SHC3: variants seen among roughly 807,000 people sequenced by gnomAD.
The protein encoded by SHC3 is SHC-transforming protein 3.
SHC3 carries 15 observed loss-of-function variants against 60.4 expected under a neutral mutation model. The observed-to-expected ratio is 0.25, with a 90% CI of 0.17 to 0.38. SHC3 has a LOEUF of 0.38. Among genes scored for constraint, SHC3 ranks in the 10% least tolerant of loss-of-function variants. SHC3 has a pLI of 1.00. For synonymous variants in SHC3, 294 were observed against 325.9 expected (o/e 0.90, Z 1.05); for missense variants, 677 against 786.1 (o/e 0.86, Z 1.66).
rs546662701 is a variant in SHC3, at chr9:89,011,901, C to G, written c.*1546G>C. Reference sequence around the variant, plus strand: ...TAACCTGTCCTTCCATCTGGCCACACGCACACCCCAAGGCAGAAATGGGGC... The same window carrying G: ...TAACCTGTCCTTCCATCTGGCCACAGGCACACCCCAAGGCAGAAATGGGGC... On this transcript the variant is annotated 3_prime_UTR_variant, in exon 12 of 12. Coordinates refer to ENST00000375835, the MANE Select transcript of SHC3 (RefSeq NM_016848.6). The G allele has an allele frequency of 6.6e-6, 1 of 152,316 alleles. No homozygotes were observed. Among genetic ancestry groups the G allele is most frequent in the Admixed American group, 6.5e-5 (1 of 15,280 alleles). The allele number at this position is 152,316 out of a possible 1,614,324, so 9.4% of individuals were successfully genotyped here. A position where few individuals can be genotyped will look rare whatever the true frequency, so the allele number is the denominator to read the frequency against.
At chr9:89,158,209 A>G (rs1410255262) in intron 1 of SHC3, among the ~76,000 whole-genome samples, 1 of 151,580 alleles carries the variant, frequency 6.6e-6, no homozygotes, top group Admixed American at 6.6e-5. Context: ...CTTCATTTTC[A>G]TTCAATTCTA....
At position 89,007,997 on chromosome 9, in the gene SHC3, CAG is replaced by C. The variant is rs897268485; in HGVS notation, c.*5448_*5449del. 7 of 152,228 alleles carry C rather than the reference CAG, an allele frequency of 4.6e-5. No homozygotes were observed. The highest frequency in any genetic ancestry group is 1.7e-4 in the African/African-American group (7 of 41,456). 9.4% of individuals were successfully genotyped at this position (152,228 alleles called of 1,614,324 possible). On this transcript the variant is annotated 3_prime_UTR_variant, in exon 12 of 12. Coordinates refer to ENST00000375835, the MANE Select transcript of SHC3 (RefSeq NM_016848.6). The stretch of plus-strand genomic sequence containing the variant: ...GGGAGGAGTCCCAAGGTGCACAACA[CAG>C]AGCCAATCTGCGTGTGTACAGAGAT...
In SHC3 at chr9:89,046,946, T is replaced by G. The variant is rs769351820; in HGVS notation, c.1011A>C (p.Ser337=). 6.2e-7 allele frequency: 1 copy of G among 1,610,550 alleles called. No homozygotes were observed. Among genetic ancestry groups the G allele is most frequent in the South Asian group, 1.1e-5 (1 of 89,882 alleles). ...EPWTEEEGDG[S]DHPYYNSIPS... ...GGATGCTGTTGTAGTATGGGTGGTC[T>G]GAGCCATCTCCCTCCTCTTCCGTCC... Residue 337 remains serine, a synonymous_variant, in exon 8 of 12, where the codon TCA becomes TCC. Coordinates refer to ENST00000375835, the MANE Select transcript of SHC3 (RefSeq NM_016848.6).
At chr9:89,049,398 A>T (rs763981103) in intron 7 of SHC3, among the ~76,000 whole-genome samples, 8 of 152,224 alleles carry the variant, frequency 5.3e-5, no homozygotes, top group Non-Finnish European at 1.2e-4. Context: ...TTCAAACTTC[A>T]CTACATACAA....
chr9:89,022,411 G>C (rs145772950), intron 11 of SHC3, among the ~76,000 whole-genome samples: 1 of 152,270 alleles, frequency 6.6e-6, no homozygotes, highest in East Asian at 1.9e-4. Flanking sequence ...AGTCAAGGAA[G>C]TTTTTGGGAC....
chr9:89,077,139 T>C lies in SHC3; in HGVS notation c.609+701A>G, dbSNP rs112712542. 6.0e-3 allele frequency among the ~76,000 whole-genome samples: 897 copies of C among 150,576 alleles called. 3 individuals are homozygous for C. Among genetic ancestry groups the C allele is most frequent in the Middle Eastern group, 0.027 (8 of 294 alleles). On this transcript the variant is annotated intron_variant, in intron 3 of 11. Coordinates refer to ENST00000375835, the MANE Select transcript of SHC3 (RefSeq NM_016848.6). ...TTTCAGTCAGCCAAGATCACGCCAC[T>C]GCACTCCAGCCCGGGGGATAGAGCG...
intron 10 of SHC3, among the ~76,000 whole-genome samples, chr9:89,040,027 G>A (rs1011356725): frequency 4.1e-5 from 5 of 123,424 alleles, no homozygotes; most frequent in African/African-American, 6.2e-5. Context: ...CACCACCATC[G>A]GCATCACCAC....
rs188073221 is a variant in SHC3 at position 89,118,361 on chromosome 9, A to G, written c.475-5735T>C. 2.2e-3 allele frequency among the ~76,000 whole-genome samples: 334 copies of G among 152,204 alleles called. 1 individual carries two copies. Among genetic ancestry groups the G allele is most frequent in the African/African-American group, 7.4e-3 (308 of 41,540 alleles). On this transcript the variant is annotated intron_variant, in intron 1 of 11. Transcript: ENST00000375835. ...GAGCCCAGAAAATCTCCTAGTGCCA[A>G]AAAGACTGAAACACAAATGGAAATG... is the stretch of plus-strand genomic sequence containing the variant.
At chr9:89,093,154 T>C (rs1210549968) in intron 2 of SHC3, among the ~76,000 whole-genome samples, 1 of 152,222 alleles carries the variant, frequency 6.6e-6, no homozygotes, top group African/African-American at 2.4e-5. Context: ...CATAAGCACC[T>C]GTACAATTTC....
chr9:89,171,507 A>G (rs1390793539), intron 1 of SHC3, among the ~76,000 whole-genome samples: 1 of 152,218 alleles, frequency 6.6e-6, no homozygotes, highest in East Asian at 1.9e-4. Flanking sequence ...TTTTCTGCCT[A>G]TTCAATAGAC....
intron 11 of SHC3, among the ~76,000 whole-genome samples, chr9:89,034,928 G>A (rs577339222): frequency 6.6e-5 from 10 of 152,120 alleles, no homozygotes; most frequent in Admixed American, 6.5e-4. Flanking sequence ...CTGGCTCCTT[G>A]CTTCTAGCCC....
rs534344820 is a variant in SHC3, at chr9:89,167,635, T to C, written c.474+10352A>G. 5.3e-5 allele frequency among the ~76,000 whole-genome samples: 8 copies of C among 152,358 alleles called. No homozygotes were observed. The East Asian group carries it at 1.5e-3, about 29-fold the overall frequency. ...GGCATCACCCTGCCTAGTTCCATTT[T>C]CTGAGAGTACTTACTTGCTATTTGT... is the stretch of plus-strand genomic sequence containing the variant. On this transcript the variant is annotated intron_variant, in intron 1 of 11. Transcript: ENST00000375835.
chr9:89,067,598 A>C (rs952385933), intron 5 of SHC3, among the ~76,000 whole-genome samples: 7 of 152,218 alleles, frequency 4.6e-5, no homozygotes, highest in Admixed American at 1.3e-4. Context: ...TTATACTTGT[A>C]CATGATGTAC....
chr9:89,133,705 G>C (rs575037370), intron 1 of SHC3, among the ~76,000 whole-genome samples: 1 of 152,014 alleles, frequency 6.6e-6, no homozygotes, highest in Non-Finnish European at 1.5e-5. Context: ...GGTGGAAATT[G>C]AACAATGAGA....
At chr9:89,085,036 A>G (rs149653236) in intron 2 of SHC3, among the ~76,000 whole-genome samples, 9 of 152,360 alleles carry the variant, frequency 5.9e-5, no homozygotes, top group African/African-American at 1.7e-4. Context: ...ATCAAATACC[A>G]CAGGCTTTAA....
chr9:89,045,935 T>A, intron 8 of SHC3, 102 bp from the exon 9 acceptor site: 1 of 1,135,704 alleles, frequency 8.8e-7, no homozygotes, highest in South Asian at 1.4e-5. Flanking sequence ...CTTAAGGTGG[T>A]TCGCATCCTC....
chr9:89,108,100 T>A (rs1825890426), intron 2 of SHC3, among the ~76,000 whole-genome samples: 1 of 152,220 alleles, frequency 6.6e-6, no homozygotes. Flanking sequence ...TGCAGGTTTG[T>A]AGCCTAGGAG....
At chr9:89,125,978 C>G (rs1024251694) in intron 1 of SHC3, among the ~76,000 whole-genome samples, 1 of 152,172 alleles carries the variant, frequency 6.6e-6, no homozygotes, top group East Asian at 1.9e-4. Flanking sequence ...TTTCATTTTA[C>G]TCTATGGATT....
intron 6 of SHC3, among the ~76,000 whole-genome samples, chr9:89,059,663 G>C (rs916131802): frequency 3.3e-5 from 5 of 149,742 alleles, no homozygotes; most frequent in African/African-American, 1.2e-4. Context: ...TGGTGGTGGA[G>C]GACGTGGTGG....
Sources: allele counts gnomAD v4.1 joint callset (sites outside exome capture counted in the v4.1 genomes callset), GRCh38; gene constraint gnomAD v4.1.1; transcripts MANE v1.5; gene names NCBI Gene and HGNC (gene_info 2026-07-23, HGNC 2026-07-21).